GLT1D1: variants seen among roughly 807,000 people sequenced by gnomAD.
GLT1D1 encodes glycosyltransferase 1 domain-containing protein 1.
GLT1D1 carries 21 observed loss-of-function variants against 28.7 expected under a neutral mutation model. That is an observed-to-expected ratio of 0.73 (90% CI 0.52 to 1.05). The LOEUF is 1.05. Ranked by LOEUF, GLT1D1 falls within the 50% of genes least tolerant of loss-of-function variation. The pLI is 0.00. For synonymous variants in GLT1D1, 147 were observed against 124.8 expected (o/e 1.18, Z -1.19); for missense variants, 343 against 330.6 (o/e 1.04, Z -0.29).
chr12:128,874,086 TTCTTTCTTTCTTTCTCTCTCTCTCTC>T lies in GLT1D1; in HGVS notation c.69-1824_69-1799del, dbSNP rs1163028086. Among the ~76,000 whole-genome samples, 86 of 17,864 alleles carry T rather than the reference TTCTTTCTTTCTTTCTCTCTCTCTCTC, an allele frequency of 4.8e-3. 3 individuals carry two copies. The highest frequency in any genetic ancestry group is 0.036 in the Admixed American group (68 of 1,900). 11.7% of individuals were successfully genotyped at this position (17,864 alleles called of 152,430 possible). A position where few individuals can be genotyped will look rare whatever the true frequency, so the allele number is the denominator to read the frequency against. ...TTTCTTTCTTTCTTTCTTTCTTTCT[TTCTTTCTTTCTTTCTCTCTCTCTCTC>T]TCTCTCTCTCTCTCTTTCTTTCTTT... On this transcript the variant is annotated intron_variant, in intron 1 of 7. Transcript: ENST00000281703.
intron 4 of GLT1D1, among the ~76,000 whole-genome samples, chr12:128,927,999 CAAAAAAAAAAAA>C (rs938188484): frequency 1.2e-4 from 5 of 42,250 alleles, no homozygotes; most frequent in East Asian, 1.4e-3. Flanking sequence ...GACTCTGTCT[CAAAAAAAAAAAA>C]AAAAAAAAAA....
At chr12:128,873,018 C>T (rs1956738157) in intron 1 of GLT1D1, among the ~76,000 whole-genome samples, 1 of 152,090 alleles carries the variant, frequency 6.6e-6, no homozygotes, top group South Asian at 2.1e-4. Context: ...TCTCAGCCTC[C>T]CAAACAGCTG....
intron 6 of GLT1D1, 34 bp from the exon 11 acceptor site, chr12:128,957,511 T>A: frequency 6.8e-7 from 1 of 1,464,076 alleles, no homozygotes; most frequent in Non-Finnish European, 9.6e-7. Flanking sequence ...TTGAAATGAC[T>A]GCCTTCCACC....
At chr12:128,964,440 C>T (rs1878259417) in intron 7 of GLT1D1, among the ~76,000 whole-genome samples, 1 of 152,168 alleles carries the variant, frequency 6.6e-6, no homozygotes, top group South Asian at 2.1e-4. Context: ...TCCCAAAGAC[C>T]TCACCTCCTG....
chr12:128,980,760 C>T (rs546882294), intron 7 of GLT1D1, among the ~76,000 whole-genome samples: 58 of 152,284 alleles, frequency 3.8e-4, no homozygotes, highest in Middle Eastern at 3.4e-3. Context: ...GGAAGGCAGA[C>T]GGCATCACTT....
intron 4 of GLT1D1, among the ~76,000 whole-genome samples, chr12:128,902,509 A>G (rs1339190040): frequency 6.6e-6 from 1 of 151,270 alleles, no homozygotes; most frequent in Non-Finnish European, 1.5e-5. Flanking sequence ...AAGAAAGAAA[A>G]AAAGAAAAGT....
chr12:128,889,795 G>A (rs919787398), intron 3 of GLT1D1, among the ~76,000 whole-genome samples: 2 of 152,170 alleles, frequency 1.3e-5, no homozygotes, highest in African/African-American at 4.8e-5. Flanking sequence ...CTCTTTTCCT[G>A]ACAGAGTCTC....
intron 4 of GLT1D1, among the ~76,000 whole-genome samples, chr12:128,940,154 G>A (rs912233863): frequency 1.3e-5 from 2 of 151,952 alleles, no homozygotes; most frequent in African/African-American, 4.8e-5. Context: ...TTTTGTATTG[G>A]TGGTGTCGTC....
intron 6 of GLT1D1, among the ~76,000 whole-genome samples, chr12:128,955,511 G>A (rs891977828): frequency 1.5e-5 from 1 of 67,016 alleles, no homozygotes; most frequent in Non-Finnish European, 3.0e-5. Flanking sequence ...AATTCCCTCG[G>A]TGTTGTATTT....
intron 5 of GLT1D1, among the ~76,000 whole-genome samples, chr12:128,946,759 C>T (rs1221374447): frequency 6.7e-6 from 1 of 148,904 alleles, no homozygotes; most frequent in East Asian, 2.0e-4. Flanking sequence ...AGCAATTCTC[C>T]TGCCTCAGCC....
At chr12:128,871,879 T>G (rs2135785600) in intron 1 of GLT1D1, among the ~76,000 whole-genome samples, 1 of 152,348 alleles carries the variant, frequency 6.6e-6, no homozygotes, top group Middle Eastern at 3.4e-3. Context: ...ACTTGAACTT[T>G]GTTCTATAGT....
chr12:128,943,857 C>T (rs748469175), intron 4 of GLT1D1, among the ~76,000 whole-genome samples: 59 of 152,196 alleles, frequency 3.9e-4, no homozygotes, highest in Admixed American at 7.2e-4. Flanking sequence ...TTTGTGGCAT[C>T]GATCTGTGCA....
chr12:128,860,077 C>T (rs997462892), intron 1 of GLT1D1, among the ~76,000 whole-genome samples: 12 of 152,148 alleles, frequency 7.9e-5, no homozygotes, highest in African/African-American at 2.9e-4. Context: ...ATTCTGAATA[C>T]CCTAATGTGG....
chr12:128,941,574 T>TA (rs1875250012), intron 4 of GLT1D1, among the ~76,000 whole-genome samples: 1 of 146,034 alleles, frequency 6.8e-6, no homozygotes. Flanking sequence ...TTTCTCTTTT[T>TA]TTTTTTTTTT....
chr12:128,888,861 AC>A, intron 3 of GLT1D1, 117 bp downstream of exon 3: 1 of 631,312 alleles, frequency 1.6e-6, no homozygotes. Flanking sequence ...AGCACTTAAA[AC>A]CAATTTCATG....
intron 6 of GLT1D1, 75 bp downstream of exon 10, chr12:128,947,533 ACGTCT>A: frequency 1.9e-6 from 3 of 1,539,966 alleles, no homozygotes; most frequent in Non-Finnish European, 1.8e-6. Flanking sequence ...TACGGAGGTG[ACGTCT>A]TTGTCAATAA....
At chr12:128,912,939 T>C (rs1428121517) in intron 4 of GLT1D1, among the ~76,000 whole-genome samples, 1 of 152,124 alleles carries the variant, frequency 6.6e-6, no homozygotes, top group Non-Finnish European at 1.5e-5. Context: ...ATTGTTAAGA[T>C]TTTTCTAACA....
chr12:128,931,573 G>A (rs1326230652), intron 4 of GLT1D1, among the ~76,000 whole-genome samples: 1 of 152,140 alleles, frequency 6.6e-6, no homozygotes, highest in Non-Finnish European at 1.5e-5. Flanking sequence ...CTCCCAAAGT[G>A]CTGGGATTAC....
At chr12:128,917,621 A>G (rs890379924) in intron 4 of GLT1D1, among the ~76,000 whole-genome samples, 3 of 152,200 alleles carry the variant, frequency 2.0e-5, no homozygotes, top group Non-Finnish European at 4.4e-5. Context: ...TGCAAAATCA[A>G]TTCTCTGCCC....
Sources: allele counts gnomAD v4.1 joint callset (sites outside exome capture counted in the v4.1 genomes callset), GRCh38; gene constraint gnomAD v4.1.1; transcripts MANE v1.5; gene names NCBI Gene and HGNC (gene_info 2026-07-23, HGNC 2026-07-21).